STON1: variants seen among roughly 807,000 people sequenced by gnomAD.
STON1 encodes the protein stonin-1.
In STON1, 79 loss-of-function variants were observed where a neutral mutation model predicts 60.9. The ratio of observed to expected loss-of-function variants is 1.30; its 90% confidence interval spans 1.08 to 1.56. The LOEUF is 1.56. STON1 is among the 40% of genes most tolerant of loss of function. STON1 has a pLI of 0.00. For missense variants in STON1, 1,166 were observed against 858.9 expected (o/e 1.36, Z -4.47); for synonymous variants, 363 against 306.9 (o/e 1.18, Z -1.91).
chr2:48,549,452 C>A (rs985767589), intron 1 of STON1, among the ~76,000 whole-genome samples: 2 of 152,088 alleles, frequency 1.3e-5, no homozygotes, highest in Non-Finnish European at 2.9e-5. Flanking sequence ...TGAGTTGTTT[C>A]CATCTGGTAT....
intron 1 of STON1, among the ~76,000 whole-genome samples, chr2:48,533,724 C>T (rs970831598): frequency 4.8e-5 from 7 of 147,132 alleles, no homozygotes; most frequent in Non-Finnish European, 1.0e-4. Context: ...TACTCTGTGA[C>T]CTTTTAAAAT....
intron 1 of STON1, among the ~76,000 whole-genome samples, chr2:48,568,466 A>G (rs561919525): frequency 4.7e-4 from 71 of 152,322 alleles, no homozygotes; most frequent in Admixed American, 2.2e-3. Flanking sequence ...AAAGAACGGC[A>G]GAAGTAGACT....
At chr2:48,554,557 G>A (rs1672232023) in intron 1 of STON1, among the ~76,000 whole-genome samples, 1 of 152,112 alleles carries the variant, frequency 6.6e-6, no homozygotes, top group Non-Finnish European at 1.5e-5. Flanking sequence ...GAGTTGGGAG[G>A]AAAGAGGTTA....
At position 48,580,631 on chromosome 2, in the gene STON1, A is replaced by C. The variant is rs756744173; in HGVS notation, c.-3A>C. ...TTGACAAGACCACAATCTGATCCCA[A>C]AGATGTGCTCCACAAATCCAGGCAA... is the stretch of plus-strand genomic sequence containing the variant. On this transcript the variant is annotated 5_prime_UTR_variant, in exon 2 of 4. Coordinates refer to ENST00000404752, the MANE Select transcript of STON1 (RefSeq NM_006873.4). The C allele has an allele frequency of 7.4e-7, 1 of 1,352,610 alleles. No homozygotes were observed. The highest frequency in any genetic ancestry group is 3.0e-5 in the Admixed American group (1 of 33,464). 83.8% of individuals were successfully genotyped at this position (1,352,610 alleles called of 1,614,324 possible). A position where few individuals can be genotyped will look rare whatever the true frequency, so the allele number is the denominator to read the frequency against.
chr2:48,552,034 A>G (rs1020748439), intron 1 of STON1, among the ~76,000 whole-genome samples: 1 of 152,216 alleles, frequency 6.6e-6, no homozygotes, highest in Non-Finnish European at 1.5e-5. Context: ...TCTGCTTTCC[A>G]TGGCTGCATT....
At chr2:48,544,971 G>C (rs897008776) in intron 1 of STON1, among the ~76,000 whole-genome samples, 2 of 152,186 alleles carry the variant, frequency 1.3e-5, no homozygotes, top group African/African-American at 4.8e-5. Flanking sequence ...CTCCAGGCCT[G>C]TTGCTCATTT....
At chr2:48,587,228 T>C (rs1421274624) in intron 2 of STON1, among the ~76,000 whole-genome samples, 4 of 152,234 alleles carry the variant, frequency 2.6e-5, no homozygotes, top group Non-Finnish European at 5.9e-5. Context: ...AGATCATTCC[T>C]CCCTGCTCTG....
intron 1 of STON1, among the ~76,000 whole-genome samples, chr2:48,579,488 T>G (rs1673748173): frequency 6.6e-6 from 1 of 152,240 alleles, no homozygotes; most frequent in Non-Finnish European, 1.5e-5. Context: ...CCATTGGTTG[T>G]TCAAGAGTAT....
intron 1 of STON1, among the ~76,000 whole-genome samples, chr2:48,538,746 C>T (rs939814539): frequency 1.1e-4 from 16 of 143,682 alleles, no homozygotes; most frequent in Middle Eastern, 3.5e-3. Context: ...TACAGGTGTG[C>T]GCCACCACAC....
At chr2:48,569,809 A>AT (rs1476645899) in intron 1 of STON1, among the ~76,000 whole-genome samples, 1 of 152,154 alleles carries the variant, frequency 6.6e-6, no homozygotes, top group Non-Finnish European at 1.5e-5. Context: ...AGTGTTTTAG[A>AT]TTTTTTTGGA....
At chr2:48,556,889 T>A (rs1572943794) in intron 1 of STON1, among the ~76,000 whole-genome samples, 1 of 11,956 alleles carries the variant, frequency 8.4e-5, no homozygotes, top group African/African-American at 4.6e-4. Context: ...CTGGCCGGGC[T>A]GAGGGGCTCC....
rs1572658064 is a variant in STON1 at position 48,596,573 on chromosome 2, G to T, written c.*1271G>T. 6.6e-6 allele frequency: 1 copy of T among 152,110 alleles called. No homozygotes were observed. Among genetic ancestry groups the T allele is most frequent in the South Asian group, 2.1e-4 (1 of 4,828 alleles). The allele number at this position is 152,110 out of a possible 1,614,324, so 9.4% of individuals were successfully genotyped here. ...TGTTGAGTCTTAAACATAATTAGGA[G>T]ATATTTTTCTCTATTTGCTAGATTT... On this transcript the variant is annotated 3_prime_UTR_variant, in exon 4 of 4. Transcript: ENST00000404752.
At chr2:48,553,792 A>T (rs1042544910) in intron 1 of STON1, among the ~76,000 whole-genome samples, 3 of 151,946 alleles carry the variant, frequency 2.0e-5, no homozygotes, top group Non-Finnish European at 4.4e-5. Context: ...CTGGCCTTAG[A>T]CCCCTTCTTA....
chr2:48,592,574 G>A (rs1222629849), intron 3 of STON1, among the ~76,000 whole-genome samples: 2 of 149,102 alleles, frequency 1.3e-5, no homozygotes, highest in Non-Finnish European at 3.0e-5. Context: ...TGGGATTACA[G>A]CCACCCACCA....
chr2:48,583,815 A>C (rs1398545572), intron 2 of STON1, among the ~76,000 whole-genome samples: 2 of 150,026 alleles, frequency 1.3e-5, no homozygotes, highest in East Asian at 3.9e-4. Flanking sequence ...GCGGTGGCAC[A>C]ATCTCGGCTT....
chr2:48,589,043 A>G (rs1380775404), intron 2 of STON1, among the ~76,000 whole-genome samples: 2 of 152,194 alleles, frequency 1.3e-5, no homozygotes, highest in African/African-American at 4.8e-5. Context: ...GGAGGTGTAT[A>G]TGGTGGCACA....
intron 1 of STON1, among the ~76,000 whole-genome samples, chr2:48,562,857 AG>A (rs1672667819): frequency 6.6e-6 from 1 of 152,234 alleles, no homozygotes. Context: ...TGTCCAGCAC[AG>A]GGAAAGCCCC....
At chr2:48,548,677 T>G (rs1671961890) in intron 1 of STON1, among the ~76,000 whole-genome samples, 1 of 151,984 alleles carries the variant, frequency 6.6e-6, no homozygotes, top group South Asian at 2.1e-4. Context: ...TTTTGCATTT[T>G]TAGTAGATGT....
chr2:48,557,815 T>G (rs528121178), intron 1 of STON1, among the ~76,000 whole-genome samples: 1 of 152,374 alleles, frequency 6.6e-6, no homozygotes, highest in East Asian at 1.9e-4. Flanking sequence ...CCCCATAGAC[T>G]TGGAGACTTA....
Sources: gnomAD v4.1 joint callset for allele counts (sites outside exome capture counted in the v4.1 genomes callset) on GRCh38, gnomAD v4.1.1 for gene constraint, MANE v1.5 for transcripts, NCBI Gene and HGNC (gene_info 2026-07-23, HGNC 2026-07-21) for gene names.